Variants in ITPR2 observed in about 807,000 individuals in gnomAD.
ITPR2 encodes inositol 1,4,5-trisphosphate receptor type 2.
A neutral mutation model predicts 317.1 loss-of-function variants in ITPR2; 207 were observed. That is an observed-to-expected ratio of 0.65 (90% CI 0.58 to 0.73). The LOEUF is 0.73. Ranked by LOEUF, ITPR2 falls within the 30% of genes least tolerant of loss-of-function variation. ITPR2 has a pLI of 0.00. For missense variants in ITPR2, 2,613 were observed against 3,284.0 expected (o/e 0.80, Z 4.99); for synonymous variants, 1,156 against 1,149.1 (o/e 1.01, Z -0.12).
chr12:26,411,228 T>C, intron 52 of ITPR2, 92 bp downstream of exon 52: 1 of 796,876 alleles, frequency 1.3e-6, no homozygotes, highest in South Asian at 1.6e-5. Context: ...ATCATGAAAT[T>C]TGTAGAGCAA....
chr12:26,607,897 A>G (rs1054002443), intron 26 of ITPR2, among the ~76,000 whole-genome samples: 5 of 152,078 alleles, frequency 3.3e-5, no homozygotes, highest in African/African-American at 7.2e-5. Flanking sequence ...TGGCTAACAC[A>G]GTGAAACCCT....
At chr12:26,509,949 A>G (rs1035479790) in intron 37 of ITPR2, among the ~76,000 whole-genome samples, 2 of 109,588 alleles carry the variant, frequency 1.8e-5, no homozygotes, top group African/African-American at 6.4e-5. Flanking sequence ...TAACAAGTAG[A>G]TAAGGGTTTT....
At chr12:26,814,230 G>C (rs909502293) in intron 1 of ITPR2, among the ~76,000 whole-genome samples, 1 of 152,170 alleles carries the variant, frequency 6.6e-6, no homozygotes, top group African/African-American at 2.4e-5. Flanking sequence ...TGACGCCGCA[G>C]AATGAAGGAA....
intron 21 of ITPR2, among the ~76,000 whole-genome samples, chr12:26,647,697 A>G (rs908007700): frequency 2.0e-5 from 3 of 152,246 alleles, no homozygotes; most frequent in South Asian, 2.1e-4. Flanking sequence ...TATTAGGCAA[A>G]GCAAATTGAC....
intron 54 of ITPR2, among the ~76,000 whole-genome samples, chr12:26,390,042 TTAA>T (rs1939784676): frequency 6.6e-6 from 1 of 152,218 alleles, no homozygotes; most frequent in Non-Finnish European, 1.5e-5. Context: ...ATTGATTGAA[TTAA>T]TAATATTTCA....
At chr12:26,681,540 C>T (rs1471350331) in intron 13 of ITPR2, among the ~76,000 whole-genome samples, 1 of 152,086 alleles carries the variant, frequency 6.6e-6, no homozygotes, top group East Asian at 1.9e-4. Flanking sequence ...CCTTTAGGTC[C>T]TTTAGAACTC....
chr12:26,469,630 C>T (rs1213411825), intron 45 of ITPR2, among the ~76,000 whole-genome samples: 1 of 152,072 alleles, frequency 6.6e-6, no homozygotes, highest in Non-Finnish European at 1.5e-5. Context: ...TTCATTGCTC[C>T]CAGCCAGAAT....
chr12:26,669,937 C>T (rs972615493), intron 13 of ITPR2, among the ~76,000 whole-genome samples: 15 of 152,240 alleles, frequency 9.9e-5, no homozygotes, highest in African/African-American at 3.6e-4. Flanking sequence ...CATGGGGTCT[C>T]GCTGATTGCT....
chr12:26,744,478 C>A (rs760817837), intron 2 of ITPR2, among the ~76,000 whole-genome samples: 14 of 152,348 alleles, frequency 9.2e-5, no homozygotes, highest in South Asian at 8.3e-4. Flanking sequence ...GCAAACACAG[C>A]AACCCTTCCC....
chr12:26,718,452 T>C (rs183465060), intron 5 of ITPR2, among the ~76,000 whole-genome samples: 7 of 152,030 alleles, frequency 4.6e-5, no homozygotes, highest in African/African-American at 1.4e-4. Context: ...TATAGTTGTC[T>C]GTAAGCTTTG....
At chr12:26,576,822 C>A (rs1278482843) in intron 34 of ITPR2, among the ~76,000 whole-genome samples, 1 of 152,122 alleles carries the variant, frequency 6.6e-6, no homozygotes, top group Non-Finnish European at 1.5e-5. Context: ...TTGTGTCCCT[C>A]GAAGTTCGTG....
At chr12:26,772,007 T>C (rs1949852320) in intron 2 of ITPR2, among the ~76,000 whole-genome samples, 1 of 152,152 alleles carries the variant, frequency 6.6e-6, no homozygotes. Flanking sequence ...TTTACAGCAG[T>C]GGTACTCTTG....
At chr12:26,668,352 G>C (rs1349472524) in intron 13 of ITPR2, among the ~76,000 whole-genome samples, 1 of 152,148 alleles carries the variant, frequency 6.6e-6, no homozygotes, top group Non-Finnish European at 1.5e-5. Context: ...GCTGTGCAGT[G>C]GTAGCAGGAA....
At chr12:26,592,146 G>A (rs1035976351) in intron 32 of ITPR2, among the ~76,000 whole-genome samples, 114 of 152,278 alleles carry the variant, frequency 7.5e-4, no homozygotes, top group Non-Finnish European at 4.4e-5. Flanking sequence ...AATAAGCCGG[G>A]CACACAAAGA....
chr12:26,828,506 A>G (rs866352319), intron 1 of ITPR2, among the ~76,000 whole-genome samples: 6 of 152,232 alleles, frequency 3.9e-5, no homozygotes, highest in Admixed American at 6.5e-5. Flanking sequence ...ACGGACCATT[A>G]AAAAACTGCA....
At chr12:26,515,341 T>C (rs1354986244) in intron 37 of ITPR2, among the ~76,000 whole-genome samples, 1 of 152,076 alleles carries the variant, frequency 6.6e-6, no homozygotes, top group Admixed American at 6.5e-5. Flanking sequence ...CTGGGGCAAG[T>C]GTGAACATTA....
At chr12:26,414,225 A>C (rs912730492) in intron 51 of ITPR2, among the ~76,000 whole-genome samples, 13 of 152,176 alleles carry the variant, frequency 8.5e-5, no homozygotes, top group Non-Finnish European at 4.4e-5. Flanking sequence ...AATTCAGGAC[A>C]GTCTCAAGTT....
In ITPR2 at chr12:26,631,879, A is replaced by G. The variant is rs199580966; in HGVS notation, c.2921T>C (p.Ile974Thr). 1.3e-5 allele frequency: 21 copies of G among 1,613,636 alleles called. No homozygotes were observed. The South Asian group carries it at 2.2e-4, about 17-fold the overall frequency. Residue 974 changes from isoleucine (I) to threonine (T), a missense_variant, in exon 22 of 57, where the codon ATT becomes ACT. Around this residue, in one of 9 missense-constraint regions of ITPR2, gnomAD observed 817 missense variants for 897.6 expected, o/e 0.91. Coordinates refer to ENST00000381340, the MANE Select transcript of ITPR2 (RefSeq NM_002223.4). ...TAGGCAACACACCTGCAAAATCTCA[A>G]TGATCTTCAGCTTGGTGTCCATCAC... ...VTVMDTKLKI[I>T]EILQFILSVR...
chr12:26,522,856 A>T lies in ITPR2; in HGVS notation c.5073+27391T>A, dbSNP rs185123754. ...GCTTCCACGGCGGGGGGGGAACCCC[A>T]CAACAACACCGGTTTTGCTACAGTT... On this transcript the variant is annotated intron_variant, in intron 37 of 56. Transcript: ENST00000381340. 8.0e-3 allele frequency among the ~76,000 whole-genome samples: 1,226 copies of T among 152,350 alleles called. 8 individuals are homozygous for T. The highest frequency in any genetic ancestry group is 0.017 in the African/African-American group (687 of 41,576).
Sources: allele counts gnomAD v4.1 joint callset (sites outside exome capture counted in the v4.1 genomes callset), GRCh38; gene constraint gnomAD v4.1.1; regional missense constraint gnomAD v4.1.1; transcripts MANE v1.5; gene names NCBI Gene and HGNC (gene_info 2026-07-23, HGNC 2026-07-21).